The following CLEC4M variants were observed in gnomAD, a reference collection of about 807,000 sequenced individuals.
CLEC4M encodes the protein CD209 antigen-like protein 1.
CLEC4M carries 25 observed loss-of-function variants against 39.1 expected under a neutral mutation model. The ratio of observed to expected loss-of-function variants is 0.64; its 90% CI spans 0.47 to 0.89. The LOEUF (loss-of-function observed/expected upper bound fraction) is 0.89. Ranked by LOEUF, CLEC4M falls within the 40% of genes least tolerant of loss-of-function variation. CLEC4M has a pLI of 0.00. For missense variants in CLEC4M, 353 were observed against 431.4 expected, an observed-to-expected ratio of 0.82 and a Z score of 1.61; for synonymous variants, 155 against 177.4, an observed-to-expected ratio of 0.87 and a Z score of 1.00.
Position 7,766,175 on chromosome 19 carries a change from A to G in CLEC4M, c.752A>G (p.Tyr251Cys), listed in dbSNP as rs479448. Residue 251 changes from tyrosine to cysteine, a missense_variant, in exon 4 of 7, where the codon TAT becomes TGT. Around this residue, in one of 4 missense-constraint regions of CLEC4M, gnomAD observed 196 missense variants for 211.7 expected, o/e 0.93. Coordinates refer to ENST00000327325, the MANE Select transcript of CLEC4M (RefSeq NM_014257.5). ...LPDQSKQQQI[Y>C]QELTDLKTAF... ...GACCAGTCCAAGCAGCAGCAAATCT[A>G]TCAAGAACTGACCGATTTGAAGACT... The G allele has an allele frequency of 7.9e-3, 12,708 of 1,614,072 alleles. 861 individuals carry two copies. In the African/African-American group the frequency reaches 0.15, roughly 19 times the overall value.
chr19:7,763,889 C>T (rs2034129206), intron 2 of CLEC4M, among the ~76,000 whole-genome samples: 1 of 150,870 alleles, frequency 6.6e-6, no homozygotes, highest in South Asian at 2.1e-4. Context: ...GGAGCTGGGA[C>T]CAGATTACTG....
chr19:7,766,452 T>C lies in CLEC4M; in HGVS notation c.785-204T>C, dbSNP rs1013021683. ...GCTAATTCTCCCAGTCTGGAAGAGA[T>C]GGAGCCAGGACTCCTGGGTTCTCCT... On this transcript the variant is annotated intron_variant, in intron 4 of 6. Transcript: ENST00000327325. 3.4e-6 allele frequency: 5 copies of C among 1,451,506 alleles called. No individual in the cohort carries two copies. The Admixed American group carries it at 1.1e-4, about 32-fold the overall frequency. The allele number at this position is 1,451,506 out of a possible 1,614,324, so 89.9% of individuals were successfully genotyped here. A position where few individuals can be genotyped will look rare whatever the true frequency, so the allele number is the denominator to read the frequency against.
At chr19:7,766,288 C>T (rs916985659) in intron 4 of CLEC4M, 81 bp downstream of exon 4, 2 of 1,580,696 alleles carry the variant, frequency 1.3e-6, no homozygotes, top group African/African-American at 2.7e-5. Context: ...CCAACCCTGC[C>T]TGAGCCTCAG....
intron 6 of CLEC4M, chr19:7,768,562 C>T (rs1599526663): frequency 2.0e-5 from 5 of 252,458 alleles, no homozygotes; most frequent in East Asian, 1.6e-4. Context: ...GGCAACAGAG[C>T]GAGAATCTGT....
intron 5 of CLEC4M, 172 bp from the exon 6 acceptor site, chr19:7,767,344 A>T (rs1164800080): frequency 3.4e-6 from 2 of 589,616 alleles, no homozygotes; most frequent in Non-Finnish European, 6.1e-6. Context: ...CAGGACACAC[A>T]TGCCATGGGG....
At position 7,763,436 on chromosome 19, in the gene CLEC4M, C is replaced by G; in HGVS notation, c.90C>G (p.Asp30Glu). Residue 30 changes from aspartate to glutamate, a missense_variant, in exon 2 of 7, where the codon GAC becomes GAG. Physicochemically the swap from Asp to Glu is conservative, Grantham distance 45. Around this residue, in one of 4 missense-constraint regions of CLEC4M, gnomAD observed 91 missense variants for 77.8 expected, o/e 1.17. Coordinates refer to ENST00000327325, the MANE Select transcript of CLEC4M (RefSeq NM_014257.5). ...GTGGCATCAGACTTTTTCCAAGAGA[C>G]TTTCAATTCCAGCAGATACATGGCC... ...TTSGIRLFPRDFQFQQIHGHK... is the reference protein window; with the variant it reads ...TTSGIRLFPREFQFQQIHGHK... The G allele has an allele frequency of 6.2e-7, 1 of 1,614,096 alleles. No homozygotes were observed. The highest frequency in any genetic ancestry group is 8.5e-7 in the Non-Finnish European group (1 of 1,180,000).
chr19:7,767,601 G>C lies in CLEC4M; in HGVS notation c.1022G>C (p.Trp341Ser), dbSNP rs776799064. The C allele has an allele frequency of 6.2e-7, 1 of 1,614,160 alleles. No homozygotes were observed. Among genetic ancestry groups the C allele is most frequent in the Non-Finnish European group, 8.5e-7 (1 of 1,179,988 alleles). Residue 341 changes from tryptophan to serine, a missense_variant, in exon 6 of 7, where the codon TGG becomes TCG. Around this residue, in one of 4 missense-constraint regions of CLEC4M, gnomAD observed 196 missense variants for 211.7 expected, o/e 0.93. Transcript: ENST00000327325. ...CTAAATCAGGAAGGCACGTGGCAAT[G>C]GGTGGACGGCTCACCTCTGTCACCC... is the stretch of plus-strand genomic sequence containing the variant. The part of the protein sequence containing the change: ...SDLNQEGTWQ[W>S]VDGSPLSPSF...
Position 7,767,453 on chromosome 19 carries a change from G to A in CLEC4M, c.937-63G>A, listed in dbSNP as rs75655854. ...AAAGCAGAACTTTCTGCCAAGAGAC[G>A]GGGAGGTGGAACCTGGAAAATGGGA... On this transcript the variant is annotated intron_variant, in intron 5 of 6. Coordinates refer to ENST00000327325, the MANE Select transcript of CLEC4M (RefSeq NM_014257.5). 4.8e-3 allele frequency: 6,038 copies of A among 1,267,594 alleles called. 209 individuals carry two copies. In the African/African-American group the frequency reaches 0.076, roughly 16 times the overall value. The allele number at this position is 1,267,594 out of a possible 1,614,324, so 78.5% of individuals were successfully genotyped here.
chr19:7,766,963 A>G, intron 5 of CLEC4M, 156 bp downstream of exon 5: 1 of 1,300,358 alleles, frequency 7.7e-7, no homozygotes. Context: ...GGTACCCTTC[A>G]AGCAAATACA....
intron 2 of CLEC4M, among the ~76,000 whole-genome samples, chr19:7,764,195 C>T (rs967834474): frequency 6.6e-6 from 1 of 151,810 alleles, no homozygotes; most frequent in African/African-American, 2.4e-5. Flanking sequence ...GTCAAGTTAC[C>T]TTTTAAGCAT....
At chr19:7,766,497 G>A (rs1382388841) in intron 4 of CLEC4M, 159 bp from the exon 5 acceptor site, 1 of 1,481,636 alleles carries the variant, frequency 6.7e-7, no homozygotes, top group Non-Finnish European at 8.9e-7. Flanking sequence ...GGAGAGTCTT[G>A]GGAAGTAGGG....
chr19:7,765,602 G>T, intron 3 of CLEC4M, 36 bp from the exon 4 acceptor site: 1 of 1,613,168 alleles, frequency 6.2e-7, no homozygotes, highest in Non-Finnish European at 8.5e-7. Flanking sequence ...CACAGTAGGT[G>T]TTTAATAATT....
rs113003266 is a variant in CLEC4M at position 7,766,982 on chromosome 19, C to G, written c.936+175C>G. The G allele has an allele frequency of 1.4e-5, 16 of 1,115,394 alleles. No homozygotes were observed. In the African/African-American group the frequency reaches 2.5e-4, roughly 18 times the overall value. The allele number at this position is 1,115,394 out of a possible 1,614,324, so 69.1% of individuals were successfully genotyped here. On this transcript the variant is annotated intron_variant, in intron 5 of 6. Transcript: ENST00000327325. The stretch of plus-strand genomic sequence containing the variant: ...CCCTTCAAGCAAATACAAACCAGAT[C>G]TGAACACATGTGAATATTTGGGGGA...
rs376354063 is a variant in CLEC4M, at chr19:7,765,675, C to T, written c.252C>T (p.Ser84=). 2.3e-5 allele frequency: 37 copies of T among 1,614,240 alleles called. No homozygotes were observed. The highest frequency in any genetic ancestry group is 1.3e-4 in the African/African-American group (10 of 75,064). The change falls in exon 4 of 7, where the codon TCC becomes TCT. Residue 84 remains serine (S), a synonymous_variant. Transcript: ENST00000327325. ...CCAGCTCCCTAAGTCAGGAACAATC[C>T]GAGCAAGACGCAATCTACCAGAACC... The part of the protein sequence containing the change: ...KVPSSLSQEQ[S]EQDAIYQNLT...
chr19:7,766,344 C>T (rs2034274359), intron 4 of CLEC4M, 137 bp downstream of exon 4: 8 of 1,492,218 alleles, frequency 5.4e-6, no homozygotes, highest in Middle Eastern at 2.2e-4. Context: ...GCGATCATTG[C>T]ACTTGGTGTT....
chr19:7,769,117 A>G lies in CLEC4M; in HGVS notation c.*129A>G. ...GAGACGGTTCTCTGTTCGATTTTTCATCCCCTATGAACCTGGGTCTTATTC... is the reference window on the plus strand; with the variant it reads ...GAGACGGTTCTCTGTTCGATTTTTCGTCCCCTATGAACCTGGGTCTTATTC... On this transcript the variant is annotated 3_prime_UTR_variant, in exon 7 of 7. Transcript: ENST00000327325. 1.1e-6 allele frequency: 1 copy of G among 902,802 alleles called. No individual in the cohort carries two copies. Among genetic ancestry groups the G allele is most frequent in the South Asian group, 1.6e-5 (1 of 61,024 alleles). The allele number at this position is 902,802 out of a possible 1,614,324, so 55.9% of individuals were successfully genotyped here.
intron 5 of CLEC4M, chr19:7,767,109 G>C (rs1478093617): frequency 4.1e-6 from 2 of 483,842 alleles, no homozygotes; most frequent in Non-Finnish European, 7.5e-6. Context: ...AATTTCCCCA[G>C]TGTAAATATT....
chr19:7,766,926 G>A, intron 5 of CLEC4M, 119 bp downstream of exon 5: 1 of 1,535,148 alleles, frequency 6.5e-7, no homozygotes, highest in Non-Finnish European at 8.8e-7. Context: ...AAGATGGGAA[G>A]AGAAGGATAT....
chr19:7,769,136 C>A lies in CLEC4M; in HGVS notation c.*148C>A. 1.4e-6 allele frequency: 1 copy of A among 733,360 alleles called. No homozygotes were observed. Among genetic ancestry groups the A allele is most frequent in the Non-Finnish European group, 2.2e-6 (1 of 460,070 alleles). The allele number at this position is 733,360 out of a possible 1,614,324, so 45.4% of individuals were successfully genotyped here. A position where few individuals can be genotyped will look rare whatever the true frequency, so the allele number is the denominator to read the frequency against. On this transcript the variant is annotated 3_prime_UTR_variant, in exon 7 of 7. Transcript: ENST00000327325. ...TTTTTCATCCCCTATGAACCTGGGT[C>A]TTATTCTGTCCTTCTGATGCCTCCA...
Sources: allele counts gnomAD v4.1 joint callset (sites outside exome capture counted in the v4.1 genomes callset), GRCh38; gene constraint gnomAD v4.1.1; regional missense constraint gnomAD v4.1.1; transcripts MANE v1.5; gene names NCBI Gene and HGNC (gene_info 2026-07-23, HGNC 2026-07-21).